The following PKHD1 variants were observed in gnomAD, a reference collection of about 807,000 sequenced individuals.
PKHD1 encodes fibrocystin.
A neutral mutation model predicts 412.0 loss-of-function variants in PKHD1; 291 were observed. That is an observed-to-expected ratio of 0.71 (90% CI 0.64 to 0.78). PKHD1 has a LOEUF of 0.78. Ranked by LOEUF, PKHD1 falls within the 30% of genes least tolerant of loss-of-function variation. The pLI is 0.00. For missense variants in PKHD1, 4,825 were observed against 4,950.7 expected, an observed-to-expected ratio of 0.97 and a Z score of 0.76; for synonymous variants, 1,777 against 1,821.5, an observed-to-expected ratio of 0.98 and a Z score of 0.62.
chr6:51,957,376 T>G (rs1024609891), intron 36 of PKHD1, among the ~76,000 whole-genome samples: 7 of 152,140 alleles, frequency 4.6e-5, no homozygotes, highest in African/African-American at 1.7e-4. Flanking sequence ...CTTAGCCACA[T>G]GGCTATGTCT....
At chr6:51,893,308 C>T (rs922988280) in intron 43 of PKHD1, among the ~76,000 whole-genome samples, 2 of 152,198 alleles carry the variant, frequency 1.3e-5, no homozygotes, top group African/African-American at 4.8e-5. Context: ...TCAGAAAGCA[C>T]GTGTTTCCCT....
In PKHD1 at chr6:51,638,975, C is replaced by A; in HGVS notation, c.11399-19G>T. Reference sequence around the variant, plus strand: ...GTGCACCCTACAAAAAAGTACAAAACAAAAATTAGCTGTTTATTATCTAAT... The same window carrying A: ...GTGCACCCTACAAAAAAGTACAAAAAAAAAATTAGCTGTTTATTATCTAAT... On this transcript the variant is annotated intron_variant, in intron 63 of 66. Transcript: ENST00000371117. The A allele has an allele frequency of 2.7e-6, 4 of 1,500,514 alleles. No individual in the cohort carries two copies. Among genetic ancestry groups the A allele is most frequent in the Non-Finnish European group, 3.7e-6 (4 of 1,076,122 alleles). The allele number at this position is 1,500,514 out of a possible 1,614,324, so 92.9% of individuals were successfully genotyped here. A position where few individuals can be genotyped will look rare whatever the true frequency, so the allele number is the denominator to read the frequency against.
chr6:51,692,736 T>A (rs972068873), intron 60 of PKHD1, among the ~76,000 whole-genome samples: 2 of 152,152 alleles, frequency 1.3e-5, no homozygotes, highest in African/African-American at 4.8e-5. Context: ...GTCAAACTCT[T>A]TGAAAAGCTA....
rs764018292 is a variant in PKHD1 at position 52,022,787 on chromosome 6, G to A, written c.5380+14C>T. ...ATATGCTTTAAAATATATGTGTGTG[G>A]CATCTTTACTCACCATCCAGGGGCA... is the stretch of plus-strand genomic sequence containing the variant. On this transcript the variant is annotated intron_variant, in intron 33 of 66. Transcript: ENST00000371117. 4 of 1,612,476 alleles carry A rather than the reference G, an allele frequency of 2.5e-6. No individual in the cohort carries two copies. Among genetic ancestry groups the A allele is most frequent in the Non-Finnish European group, 2.5e-6 (3 of 1,178,750 alleles).
chr6:51,850,587 T>C (rs568424184), intron 49 of PKHD1, among the ~76,000 whole-genome samples: 17 of 152,172 alleles, frequency 1.1e-4, no homozygotes, highest in Non-Finnish European at 2.2e-4. Flanking sequence ...GGTTTGTAGT[T>C]CTCCTTGAAG....
At chr6:51,664,668 G>C (rs1178922556) in intron 60 of PKHD1, among the ~76,000 whole-genome samples, 1 of 152,150 alleles carries the variant, frequency 6.6e-6, no homozygotes, top group Non-Finnish European at 1.5e-5. Flanking sequence ...GTTAAAACTA[G>C]AGATCAAATG....
chr6:51,632,461 A>G, intron 65 of PKHD1, 104 bp downstream of exon 65: 1 of 949,138 alleles, frequency 1.1e-6, no homozygotes, highest in East Asian at 2.6e-5. Context: ...AGAGAAGCTC[A>G]CAAAAATTTG....
intron 53 of PKHD1, among the ~76,000 whole-genome samples, chr6:51,789,054 T>G (rs1347034840): frequency 6.6e-6 from 1 of 152,124 alleles, no homozygotes; most frequent in Non-Finnish European, 1.5e-5. Context: ...TTCAGAATAG[T>G]CAGATCCCAC....
chr6:51,635,133 T>C lies in PKHD1; in HGVS notation c.11507-2410A>G, dbSNP rs370708102. On this transcript the variant is annotated intron_variant, in intron 64 of 66. Transcript: ENST00000371117. ...ATTGTAGAGATGGGGTATTGCTATGTTTTCCAGGCTAGTCTTGAACTCCTG... is the reference window on the plus strand; with the variant it reads ...ATTGTAGAGATGGGGTATTGCTATGCTTTCCAGGCTAGTCTTGAACTCCTG... Among the ~76,000 whole-genome samples the C allele has an allele frequency of 1.4e-4, 21 of 152,218 alleles. No homozygotes were observed. In the East Asian group the frequency reaches 2.9e-3, roughly 21 times the overall value.
At chr6:51,785,595 A>T (rs1223064603) in intron 53 of PKHD1, among the ~76,000 whole-genome samples, 3 of 152,154 alleles carry the variant, frequency 2.0e-5, no homozygotes, top group African/African-American at 7.2e-5. Context: ...TTTCTTTGCC[A>T]TTTCCACTGT....
intron 43 of PKHD1, 71 bp downstream of exon 43, chr6:51,903,526 G>T: frequency 2.1e-6 from 3 of 1,401,110 alleles, no homozygotes; most frequent in Non-Finnish European, 2.0e-6. Context: ...CAAAAGGTTG[G>T]ACACCCCTGA....
intron 53 of PKHD1, among the ~76,000 whole-genome samples, chr6:51,778,540 A>T (rs1444372649): frequency 1.3e-5 from 2 of 152,042 alleles, no homozygotes; most frequent in Admixed American, 6.6e-5. Context: ...AAAAGAAGTA[A>T]AGGGAAGCAG....
At chr6:51,975,144 A>T (rs925834965) in intron 35 of PKHD1, among the ~76,000 whole-genome samples, 3 of 152,026 alleles carry the variant, frequency 2.0e-5, no homozygotes, top group African/African-American at 7.3e-5. Flanking sequence ...AAGAAAATTG[A>T]ATTTTAAAGA....
chr6:52,070,428 A>G lies in PKHD1; in HGVS notation c.685T>C (p.Phe229Leu). Residue 229 changes from phenylalanine (F) to leucine (L), a missense_variant, in exon 10 of 67, where the codon TTC (phenylalanine) becomes CTC (leucine). Phe to Leu is a conservative substitution (Grantham distance 22, BLOSUM62 0). Transcript: ENST00000371117. ...TACTTTCCTTTGTTAAATACTGAGA[A>G]GCTAACATTCTGGGAGCCTGTAACA... The part of the protein sequence containing the change: ...GDYIGSQNVS[F>L]SVFNKGKSMV... 6.2e-7 allele frequency: 1 copy of G among 1,610,222 alleles called. No individual in the cohort carries two copies.
rs66774242 is a variant in PKHD1, at chr6:51,975,963, T to TAAAAAAAAAAAAAAAA, written c.5752-15953_5752-15938dup. ...AACATAGCGAGACCCTTTCTCTAATTAAAAAAAAAAAAAAAAAAAAAAAAA... is the reference window on the plus strand; with the variant it reads ...AACATAGCGAGACCCTTTCTCTAATTAAAAAAAAAAAAAAAAAAAAAAAAAAAAAAAAAAAAAAAAA... On this transcript the variant is annotated intron_variant, in intron 35 of 66. Transcript: ENST00000371117. 1.2e-3 allele frequency: 85 copies of TAAAAAAAAAAAAAAAA among 69,772 alleles called. 1 individual carries two copies. The highest frequency in any genetic ancestry group is 1.8e-3 in the Non-Finnish European group (66 of 36,700). 4.3% of individuals were successfully genotyped at this position (69,772 alleles called of 1,614,324 possible).
At chr6:51,779,360 T>A (rs545904748) in intron 53 of PKHD1, among the ~76,000 whole-genome samples, 2 of 152,096 alleles carry the variant, frequency 1.3e-5, no homozygotes, top group Non-Finnish European at 2.9e-5. Flanking sequence ...CCAGTTCAGA[T>A]GCCACCTCTT....
intron 21 of PKHD1, among the ~76,000 whole-genome samples, chr6:52,051,305 T>TA (rs1383358664): frequency 6.6e-6 from 1 of 152,210 alleles, no homozygotes; most frequent in Non-Finnish European, 1.5e-5. Context: ...AAGCTACCAC[T>TA]ATCCAGTGGT....
intron 60 of PKHD1, among the ~76,000 whole-genome samples, chr6:51,711,108 G>A (rs1036796702): frequency 1.2e-4 from 18 of 152,160 alleles, no homozygotes; most frequent in African/African-American, 4.3e-4. Flanking sequence ...GCATTCATAC[G>A]TGTGCAACCA....
chr6:51,981,969 C>T (rs569831117), intron 35 of PKHD1, among the ~76,000 whole-genome samples: 1,399 of 79,654 alleles, frequency 0.018, 170 homozygotes, highest in Non-Finnish European at 0.033. Flanking sequence ...TCTGCCCCGC[C>T]GCCCTGTCTG....
Sources: gnomAD v4.1 joint callset for allele counts (sites outside exome capture counted in the v4.1 genomes callset) on GRCh38, gnomAD v4.1.1 for gene constraint, MANE v1.5 for transcripts, NCBI Gene and HGNC (gene_info 2026-07-23, HGNC 2026-07-21) for gene names.